Variants in RIOK1 observed in about 807,000 individuals in gnomAD.
The protein encoded by RIOK1 is RIO kinase 1.
RIOK1 carries 66 observed loss-of-function variants against 73.5 expected under a neutral mutation model. That is an observed-to-expected ratio of 0.90 (90% CI 0.74 to 1.10). The LOEUF is 1.10. Ranked by LOEUF, RIOK1 falls within the 50% of genes least tolerant of loss-of-function variation. The probability of loss-of-function intolerance (pLI) is 0.00; values close to 1 mark genes in which losing one functional copy is unlikely to be tolerated. For synonymous variants in RIOK1, 224 were observed against 226.8 expected (o/e 0.99, Z 0.11); for missense variants, 658 against 699.8 (o/e 0.94, Z 0.67).
At chr6:7,402,532 A>G in intron 6 of RIOK1, 71 bp from the exon 7 acceptor site, 1 of 1,113,870 alleles carries the variant, frequency 9.0e-7, no homozygotes, top group Non-Finnish European at 1.3e-6. Context: ...TTTTGAGGTT[A>G]GAATCAAATA....
chr6:7,400,619 G>T (rs1285820525), intron 5 of RIOK1, among the ~76,000 whole-genome samples: 1 of 152,168 alleles, frequency 6.6e-6, no homozygotes, highest in Admixed American at 6.5e-5. Flanking sequence ...TTTACTTTCA[G>T]TGTAGTGACT....
Position 7,403,891 on chromosome 6 carries a change from G to T in RIOK1, c.768-50G>T, listed in dbSNP as rs753801305. 6 of 1,279,746 alleles carry T rather than the reference G, an allele frequency of 4.7e-6. No individual in the cohort carries two copies. In the East Asian group the frequency reaches 7.0e-5, roughly 15 times the overall value. The allele number at this position is 1,279,746 out of a possible 1,614,324, so 79.3% of individuals were successfully genotyped here. On this transcript the variant is annotated intron_variant, in intron 8 of 16. Coordinates refer to ENST00000379834, the MANE Select transcript of RIOK1 (RefSeq NM_031480.3). ...GGGACCTGCAGTTGTAATTTATTTAGATGCCTTTTCAACTTTTCAGTTGTC... is the reference window on the plus strand; with the variant it reads ...GGGACCTGCAGTTGTAATTTATTTATATGCCTTTTCAACTTTTCAGTTGTC...
chr6:7,404,070 AT>A, intron 9 of RIOK1, 43 bp downstream of exon 9: 1 of 1,326,484 alleles, frequency 7.5e-7, no homozygotes, highest in South Asian at 1.2e-5. Flanking sequence ...TCAGAACTGT[AT>A]TTTTAAGTTC....
chr6:7,413,893 A>C (rs1446414442), intron 15 of RIOK1, among the ~76,000 whole-genome samples: 1 of 152,148 alleles, frequency 6.6e-6, no homozygotes, highest in African/African-American at 2.4e-5. Context: ...TATCCATATA[A>C]ATCTTCATTT....
chr6:7,404,419 C>A lies in RIOK1; in HGVS notation c.856C>A (p.Pro286Thr), dbSNP rs1413431350. 1 of 1,613,850 alleles carries A rather than the reference C, an allele frequency of 6.2e-7. No homozygotes were observed. Among genetic ancestry groups the A allele is most frequent in the African/African-American group, 1.3e-5 (1 of 74,908 alleles). Residue 286 changes from proline (P) to threonine (T), a missense_variant and splice_region_variant, in exon 10 of 17, where the codon CCT becomes ACT. By Grantham distance (38) the Pro-to-Thr change is conservative. Coordinates refer to ENST00000379834, the MANE Select transcript of RIOK1 (RefSeq NM_031480.3). ...VMSFIGKDDM[P>T]APLLKNVQLS... ...TTATCTTAGTTCTTTTCATTCAAGG[C>A]CTGCACCACTCTTGAAAAATGTCCA...
At chr6:7,402,566 A>C in intron 6 of RIOK1, 37 bp from the exon 7 acceptor site, 1 of 1,496,344 alleles carries the variant, frequency 6.7e-7, no homozygotes, top group Non-Finnish European at 9.0e-7. Flanking sequence ...GTTATTTAAC[A>C]TAAACTTCAT....
In RIOK1 at chr6:7,414,275, C is replaced by G. The variant is rs770609254; in HGVS notation, c.1481C>G (p.Thr494Ser). ...CTAGAAAATCAAGTGGAGGAAAGGACTTGTTCTGATTCAGAAGATATTGGA... is the reference window on the plus strand; with the variant it reads ...CTAGAAAATCAAGTGGAGGAAAGGAGTTGTTCTGATTCAGAAGATATTGGA... ...ALLENQVEER[T>S]CSDSEDIGSS... The change falls in exon 16 of 17, where the codon ACT (threonine) becomes AGT (serine). Residue 494 changes from threonine (T) to serine (S), a missense_variant. By Grantham distance (58) the Thr-to-Ser change is moderately conservative (BLOSUM62 1). Coordinates refer to ENST00000379834, the MANE Select transcript of RIOK1 (RefSeq NM_031480.3). The G allele has an allele frequency of 6.2e-7, 1 of 1,613,668 alleles. No homozygotes were observed. Among genetic ancestry groups the G allele is most frequent in the African/African-American group, 1.3e-5 (1 of 74,904 alleles).
rs1264780602 is a variant in RIOK1, at chr6:7,402,641, C to A, written c.612C>A (p.Ser204Arg). Residue 204 changes from serine (S) to arginine (R), a missense_variant, in exon 7 of 17, where the codon AGC becomes AGA. Physicochemically the swap from Ser to Arg is moderately radical, Grantham distance 110. Coordinates refer to ENST00000379834, the MANE Select transcript of RIOK1 (RefSeq NM_031480.3). Reference sequence around the variant, plus strand: ...ATGCTAGCACAGCAAATGGAGAGAGCAGAGCAATCAAAATTTATAAAACTT... The same window carrying A: ...ATGCTAGCACAGCAAATGGAGAGAGAAGAGCAATCAAAATTTATAAAACTT... ...VYHASTANGE[S>R]RAIKIYKTSI... 6.2e-7 allele frequency: 1 copy of A among 1,612,192 alleles called. No individual in the cohort carries two copies. Among genetic ancestry groups the A allele is most frequent in the Admixed American group, 1.7e-5 (1 of 59,830 alleles).
chr6:7,403,913 T>C (rs1454783101), intron 8 of RIOK1, 28 bp from the exon 9 acceptor site: 4 of 1,540,340 alleles, frequency 2.6e-6, no homozygotes, highest in Non-Finnish European at 3.6e-6. Flanking sequence ...ACTTTTCAGT[T>C]GTCCTTTTAT....
At chr6:7,411,009 T>C (rs1171216120) in intron 13 of RIOK1, among the ~76,000 whole-genome samples, 2 of 152,232 alleles carry the variant, frequency 1.3e-5, no homozygotes, top group African/African-American at 2.4e-5. Flanking sequence ...TTCCGCCCCT[T>C]TCCCTCCTGC....
At chr6:7,391,101 A>T (rs550851401) in intron 1 of RIOK1, among the ~76,000 whole-genome samples, 1 of 152,314 alleles carries the variant, frequency 6.6e-6, no homozygotes, top group South Asian at 2.1e-4. Flanking sequence ...TATTGGAGTT[A>T]TTTTGGAATT....
In RIOK1 at chr6:7,411,419, G is replaced by A. The variant is rs756654279; in HGVS notation, c.1357G>A (p.Glu453Lys). 20 of 1,613,864 alleles carry A rather than the reference G, an allele frequency of 1.2e-5. No individual in the cohort carries two copies. The highest frequency in any genetic ancestry group is 1.4e-5 in the Non-Finnish European group (17 of 1,179,886). The change falls in exon 14 of 17, where the codon GAG becomes AAG. Residue 453 changes from glutamate (E) to lysine (K), a missense_variant. Physicochemically the swap from Glu to Lys is moderately conservative, Grantham distance 56 (BLOSUM62 1). Transcript: ENST00000379834. ...GGACATAATTATGAAATTGAAGGAA[G>A]AGGACATGGCCATGAATGCCCAACA... ...DMDIIMKLKE[E>K]DMAMNAQQDN...
chr6:7,411,249 C>A, intron 13 of RIOK1, 83 bp from the exon 14 acceptor site: 1 of 1,456,292 alleles, frequency 6.9e-7, no homozygotes, highest in Admixed American at 1.8e-5. Context: ...ATAGATTCCC[C>A]TGTAACCTGA....
chr6:7,406,427 A>G (rs1761748039), intron 12 of RIOK1, among the ~76,000 whole-genome samples: 1 of 152,142 alleles, frequency 6.6e-6, no homozygotes, highest in South Asian at 2.1e-4. Context: ...ACAAACTATC[A>G]CCACTGTCTA....
In RIOK1 at chr6:7,417,960, G is replaced by A. The variant is rs932189139; in HGVS notation, c.*519G>A. On this transcript the variant is annotated 3_prime_UTR_variant, in exon 17 of 17. Transcript: ENST00000379834. ...CCTTTGTGTGTATTGGCGATCATTTGTAATGCTCTTACACTTCGTCTTTAA... is the reference window on the plus strand; with the variant it reads ...CCTTTGTGTGTATTGGCGATCATTTATAATGCTCTTACACTTCGTCTTTAA... 6.6e-6 allele frequency: 1 copy of A among 152,220 alleles called. No homozygotes were observed. The highest frequency in any genetic ancestry group is 1.5e-5 in the Non-Finnish European group (1 of 68,048). The allele number at this position is 152,220 out of a possible 1,614,324, so 9.4% of individuals were successfully genotyped here.
At chr6:7,393,365 G>C (rs939528021) in intron 2 of RIOK1, 62 bp downstream of exon 2, 7 of 1,372,918 alleles carry the variant, frequency 5.1e-6, no homozygotes, top group South Asian at 1.2e-5. Flanking sequence ...TTTTTAAAAG[G>C]CTGTTTTGTG....
intron 14 of RIOK1, 147 bp downstream of exon 14, chr6:7,411,598 T>G (rs12530477): frequency 0.24 from 181,252 of 771,144 alleles, 22,332 homozygotes; most frequent in Non-Finnish European, 0.26. Flanking sequence ...TGTTAACTTG[T>G]GTGCACATTG....
intron 5 of RIOK1, among the ~76,000 whole-genome samples, chr6:7,399,455 T>G (rs1258164345): frequency 2.0e-5 from 3 of 152,182 alleles, no homozygotes; most frequent in African/African-American, 7.2e-5. Flanking sequence ...AAAGTATGGT[T>G]CACCTCGGAA....
At chr6:7,416,781 C>T (rs1268156442) in intron 16 of RIOK1, among the ~76,000 whole-genome samples, 5 of 151,944 alleles carry the variant, frequency 3.3e-5, no homozygotes, top group Admixed American at 2.0e-4. Context: ...GGTCATGCCA[C>T]TGCCCTCCTG....
Sources: gnomAD v4.1 joint callset for allele counts (sites outside exome capture counted in the v4.1 genomes callset) on GRCh38, gnomAD v4.1.1 for gene constraint, MANE v1.5 for transcripts, NCBI Gene and HGNC (gene_info 2026-07-23, HGNC 2026-07-21) for gene names.